Variants in PDE4D observed in about 807,000 individuals in gnomAD.
The protein encoded by PDE4D is phosphodiesterase 4D, also known as 3',5'-cyclic-AMP phosphodiesterase 4D.
In PDE4D, 24 loss-of-function variants were observed where a neutral mutation model predicts 87.4. The ratio of observed to expected loss-of-function variants is 0.27; its 90% CI spans 0.20 to 0.39. The LOEUF (loss-of-function observed/expected upper bound fraction) is 0.39. Among genes scored for constraint, PDE4D ranks in the 10% least tolerant of loss-of-function variants. The probability of loss-of-function intolerance (pLI) is 1.00; values close to 1 mark genes in which losing one functional copy is unlikely to be tolerated. For missense variants in PDE4D, 714 were observed against 1,041.0 expected (o/e 0.69, Z 4.32); for synonymous variants, 384 against 383.2 (o/e 1.00, Z -0.02).
intron 1 of PDE4D, among the ~76,000 whole-genome samples, chr5:59,472,529 A>G (rs1802612405): frequency 6.6e-6 from 1 of 152,126 alleles, no homozygotes; most frequent in South Asian, 2.1e-4. Context: ...CATCCTATCC[A>G]TGTCATTCAT....
intron 5 of PDE4D, among the ~76,000 whole-genome samples, chr5:59,092,359 T>A (rs1182299863): frequency 1.3e-5 from 2 of 152,148 alleles, no homozygotes; most frequent in Non-Finnish European, 2.9e-5. Flanking sequence ...AAATAGATCG[T>A]CTGTGGGTGT....
chr5:60,457,204 CTA>C (rs1276207733), intron 1 of PDE4D, among the ~76,000 whole-genome samples: 1 of 152,114 alleles, frequency 6.6e-6, no homozygotes, highest in Non-Finnish European at 1.5e-5. Flanking sequence ...GAGACAGAAT[CTA>C]TATAACATGG....
intron 1 of PDE4D, among the ~76,000 whole-genome samples, chr5:60,302,100 T>G (rs1390581013): frequency 1.3e-5 from 2 of 152,238 alleles, no homozygotes; most frequent in African/African-American, 2.4e-5. Flanking sequence ...GACTTTTGCA[T>G]CAATGATCAT....
chr5:59,862,560 C>A (rs1312284114), intron 1 of PDE4D, among the ~76,000 whole-genome samples: 1 of 151,288 alleles, frequency 6.6e-6, no homozygotes, highest in Non-Finnish European at 1.5e-5. Flanking sequence ...GGTCACTTAA[C>A]CACTCTACAC....
rs1743276483 is a variant in PDE4D at position 58,974,711 on chromosome 5, TTTCCTCTTC to T, written c.2374_2382del (p.Glu792_Glu794del). ...TCTATGACACAGGCTTCAGGCTGGCTTTCCTCTTCTTCCCCTACTGCCTCCTCTTCAACC... is the reference window on the plus strand; with the variant it reads ...TCTATGACACAGGCTTCAGGCTGGCTTTCCCCTACTGCCTCCTCTTCAACC... On this transcript the variant is annotated inframe_deletion, in exon 15 of 15. Transcript: ENST00000340635. 1.2e-6 allele frequency: 2 copies of T among 1,611,640 alleles called. No individual in the cohort carries two copies. The highest frequency in any genetic ancestry group is 4.5e-5 in the East Asian group (2 of 44,830).
At chr5:60,262,862 A>C (rs992683465) in intron 1 of PDE4D, among the ~76,000 whole-genome samples, 8 of 152,146 alleles carry the variant, frequency 5.3e-5, no homozygotes, top group Non-Finnish European at 1.2e-4. Flanking sequence ...AGTGGAGAAA[A>C]ATGCAGTTGG....
At chr5:59,214,077 CAA>C (rs1750715243) in intron 2 of PDE4D, among the ~76,000 whole-genome samples, 1 of 140,010 alleles carries the variant, frequency 7.1e-6, no homozygotes, top group African/African-American at 2.7e-5. Context: ...CACACACACA[CAA>C]CCATTCTATA....
chr5:60,395,524 A>G (rs1762831856), intron 1 of PDE4D, among the ~76,000 whole-genome samples: 1 of 152,200 alleles, frequency 6.6e-6, no homozygotes, highest in Admixed American at 6.5e-5. Context: ...AGACCACAAC[A>G]TAAAATTCCA....
intron 1 of PDE4D, among the ~76,000 whole-genome samples, chr5:60,369,786 G>A (rs1760862030): frequency 6.6e-6 from 1 of 151,988 alleles, no homozygotes. Flanking sequence ...CTAAGTGTGG[G>A]GTCTGCAGGA....
chr5:59,046,428 G>A (rs1322053822), intron 5 of PDE4D, among the ~76,000 whole-genome samples: 3 of 150,998 alleles, frequency 2.0e-5, no homozygotes, highest in African/African-American at 7.3e-5. Context: ...GAATGTGTGT[G>A]TGTGTGTGTG....
At chr5:59,341,572 T>C (rs1328677859) in intron 1 of PDE4D, among the ~76,000 whole-genome samples, 3 of 152,238 alleles carry the variant, frequency 2.0e-5, no homozygotes, top group Admixed American at 6.5e-5. Flanking sequence ...TGAAAGTTTT[T>C]TAGATATGAG....
chr5:60,183,122 A>G (rs1342071753), intron 2 of PDE4D, among the ~76,000 whole-genome samples: 1 of 152,112 alleles, frequency 6.6e-6, no homozygotes, highest in Admixed American at 6.5e-5. Context: ...CCCAGGGAAA[A>G]AGTAGCTTTC....
At chr5:60,288,299 C>A (rs986030047) in intron 1 of PDE4D, among the ~76,000 whole-genome samples, 2 of 152,184 alleles carry the variant, frequency 1.3e-5, no homozygotes, top group Non-Finnish European at 2.9e-5. Flanking sequence ...TTATTTGCCC[C>A]ATGGTGGTGG....
chr5:59,477,632 G>C lies in PDE4D; in HGVS notation c.456-261664C>G, dbSNP rs867203397. On this transcript the variant is annotated intron_variant, in intron 1 of 14. Transcript: ENST00000340635. ...TAAATTACTTCAGCCACTGTGAAAAGTAGTTTGGAGATTTCTCAAAGAACT... is the reference window on the plus strand; with the variant it reads ...TAAATTACTTCAGCCACTGTGAAAACTAGTTTGGAGATTTCTCAAAGAACT... Among the ~76,000 whole-genome samples, 5 of 152,220 alleles carry C rather than the reference G, an allele frequency of 3.3e-5. 1 individual carries two copies. The Middle Eastern group carries it at 0.014, about 414-fold the overall frequency.
chr5:59,279,915 C>T (rs1765521561), intron 1 of PDE4D, among the ~76,000 whole-genome samples: 1 of 151,926 alleles, frequency 6.6e-6, no homozygotes, highest in Non-Finnish European at 1.5e-5. Context: ...CATCCATCCT[C>T]TTTAGTTGTA....
chr5:59,463,916 C>T (rs113825396), intron 1 of PDE4D, among the ~76,000 whole-genome samples: 73 of 142,732 alleles, frequency 5.1e-4, no homozygotes, highest in South Asian at 1.9e-3. Context: ...TGTGACCTTA[C>T]CCCCAACCCC....
chr5:59,150,326 A>G (rs895181880), intron 5 of PDE4D, among the ~76,000 whole-genome samples: 6 of 152,158 alleles, frequency 3.9e-5, no homozygotes, highest in Non-Finnish European at 8.8e-5. Flanking sequence ...ATACTTCTGG[A>G]ATCTTCTCAA....
At chr5:59,574,171 T>A (rs555994308) in intron 1 of PDE4D, among the ~76,000 whole-genome samples, 13 of 122,350 alleles carry the variant, frequency 1.1e-4, no homozygotes, top group African/African-American at 2.9e-4. Context: ...TATATATATA[T>A]AAATATCTTC....
chr5:59,157,392 A>T (rs1780408893), intron 5 of PDE4D: 2 of 702,122 alleles, frequency 2.8e-6, no homozygotes, highest in East Asian at 5.4e-5. Context: ...CAAACAAGTG[A>T]TCCGAAGACA....
Sources: allele counts gnomAD v4.1 joint callset (sites outside exome capture counted in the v4.1 genomes callset), GRCh38; gene constraint gnomAD v4.1.1; transcripts MANE v1.5; gene names NCBI Gene and HGNC (gene_info 2026-07-23, HGNC 2026-07-21).